EPHA3: variants seen among roughly 807,000 people sequenced by gnomAD.
EPHA3 encodes ephrin type-A receptor 3.
A neutral mutation model predicts 107.1 loss-of-function variants in EPHA3; 42 were observed. The observed-to-expected ratio is 0.39, with a 90% CI of 0.31 to 0.51. EPHA3 has a LOEUF of 0.51. Ranked by LOEUF, EPHA3 falls within the 20% of genes least tolerant of loss-of-function variation. The probability of loss-of-function intolerance (pLI) is 0.78; values close to 1 mark genes in which losing one functional copy is unlikely to be tolerated. For missense variants in EPHA3, 1,183 were observed against 1,211.2 expected, an observed-to-expected ratio of 0.98 and a Z score of 0.35; for synonymous variants, 461 against 424.8, an observed-to-expected ratio of 1.09 and a Z score of -1.05.
At position 89,365,960 on chromosome 3, in the gene EPHA3, T is replaced by C. The variant is rs538047758; in HGVS notation, c.1306+23870T>C. ...TTTAGCAGAAATGCTTCTTGATTTTTGTGTAGAAAAGTGACACAATCAGGC... is the reference window on the plus strand; with the variant it reads ...TTTAGCAGAAATGCTTCTTGATTTTCGTGTAGAAAAGTGACACAATCAGGC... On this transcript the variant is annotated intron_variant, in intron 5 of 16. Transcript: ENST00000336596. Among the ~76,000 whole-genome samples the C allele has an allele frequency of 1.7e-3, 254 of 150,876 alleles. 3 individuals are homozygous for C. Among genetic ancestry groups the C allele is most frequent in the African/African-American group, 5.5e-3 (229 of 41,378 alleles).
chr3:89,286,119 CGT>C (rs373081017), intron 3 of EPHA3, among the ~76,000 whole-genome samples: 9,851 of 136,434 alleles, frequency 0.072, 402 homozygotes, highest in African/African-American at 0.13. Context: ...TCAATTTCTA[CGT>C]GTGTGTGTGT....
intron 3 of EPHA3, among the ~76,000 whole-genome samples, chr3:89,258,246 T>C (rs1263974361): frequency 6.6e-6 from 1 of 152,190 alleles, no homozygotes; most frequent in Non-Finnish European, 1.5e-5. Flanking sequence ...GGGGGAGACA[T>C]GGAGCTATTT....
chr3:89,446,059 TTAAAA>T (rs1242477277), intron 13 of EPHA3, among the ~76,000 whole-genome samples: 1 of 152,204 alleles, frequency 6.6e-6, no homozygotes, highest in Non-Finnish European at 1.5e-5. Flanking sequence ...GTTTTTCTTA[TTAAAA>T]TAAATTACTA....
At chr3:89,184,012 G>GC in intron 2 of EPHA3, among the ~76,000 whole-genome samples, 1 of 151,474 alleles carries the variant, frequency 6.6e-6, no homozygotes, top group South Asian at 2.1e-4. Flanking sequence ...AGTATTTTGT[G>GC]TTTTTTTTAA....
chr3:89,257,015 T>C (rs1195285516), intron 3 of EPHA3, among the ~76,000 whole-genome samples: 1 of 152,254 alleles, frequency 6.6e-6, no homozygotes, highest in African/African-American at 2.4e-5. Flanking sequence ...TAAGTATGTA[T>C]GTACACACAT....
intron 2 of EPHA3, among the ~76,000 whole-genome samples, chr3:89,145,578 C>T (rs1191846023): frequency 1.3e-5 from 2 of 151,744 alleles, no homozygotes; most frequent in South Asian, 2.1e-4. Context: ...AGCTTATATC[C>T]TTCCATTCTT....
chr3:89,475,664 A>G (rs1710491779), intron 16 of EPHA3, among the ~76,000 whole-genome samples: 1 of 152,240 alleles, frequency 6.6e-6, no homozygotes, highest in Non-Finnish European at 1.5e-5. Context: ...AACTAGAAAG[A>G]GAATTAAGTG....
At chr3:89,243,577 C>T (rs1047400364) in intron 3 of EPHA3, among the ~76,000 whole-genome samples, 4 of 152,060 alleles carry the variant, frequency 2.6e-5, no homozygotes, top group Non-Finnish European at 4.4e-5. Context: ...CTGTTCATAT[C>T]GTTTGCCCAC....
At chr3:89,229,556 T>C (rs1321958457) in intron 3 of EPHA3, among the ~76,000 whole-genome samples, 1 of 151,056 alleles carries the variant, frequency 6.6e-6, no homozygotes, top group Non-Finnish European at 1.5e-5. Context: ...TATATTTAAT[T>C]AGGTTTCATG....
At chr3:89,300,623 C>T (rs551518556) in intron 3 of EPHA3, among the ~76,000 whole-genome samples, 1 of 152,070 alleles carries the variant, frequency 6.6e-6, no homozygotes, top group Admixed American at 6.6e-5. Flanking sequence ...TGAAATCTGC[C>T]CAATGTTACT....
intron 10 of EPHA3, among the ~76,000 whole-genome samples, chr3:89,415,315 C>T (rs1347947392): frequency 6.6e-5 from 10 of 150,450 alleles, no homozygotes; most frequent in African/African-American, 2.4e-4. Flanking sequence ...ATACATTTAC[C>T]TACTTCCTAC....
In EPHA3 at chr3:89,481,386, T is replaced by A. The variant is rs1340176221; in HGVS notation, c.*1884T>A. 6.0e-5 allele frequency: 14 copies of A among 232,188 alleles called. No individual in the cohort carries two copies. In the East Asian group the frequency reaches 8.6e-4, roughly 14 times the overall value. 14.4% of individuals were successfully genotyped at this position (232,188 alleles called of 1,614,324 possible). A position where few individuals can be genotyped will look rare whatever the true frequency, so the allele number is the denominator to read the frequency against. On this transcript the variant is annotated 3_prime_UTR_variant, in exon 17 of 17. Coordinates refer to ENST00000336596, the MANE Select transcript of EPHA3 (RefSeq NM_005233.6). ...AATACACTTGTGATTATAAAATTAATCACAAATTTCACTTATACCTGCTAT... is the reference window on the plus strand; with the variant it reads ...AATACACTTGTGATTATAAAATTAAACACAAATTTCACTTATACCTGCTAT...
intron 2 of EPHA3, among the ~76,000 whole-genome samples, chr3:89,181,568 A>G (rs1705443345): frequency 6.6e-6 from 1 of 151,982 alleles, no homozygotes; most frequent in South Asian, 2.1e-4. Context: ...AGAGAGATAT[A>G]CTTAATACTG....
intron 5 of EPHA3, among the ~76,000 whole-genome samples, chr3:89,392,117 C>T (rs551437906): frequency 4.1e-4 from 62 of 152,196 alleles, no homozygotes; most frequent in African/African-American, 1.4e-3. Context: ...TTTCAGTAAT[C>T]TATCAATTAG....
rs760852634 is a variant in EPHA3 at position 89,341,884 on chromosome 3, G to C, written c.1100G>C (p.Gly367Ala). The C allele has an allele frequency of 2.5e-6, 4 of 1,613,746 alleles. No individual in the cohort carries two copies. The South Asian group carries it at 3.3e-5, about 13-fold the overall frequency. ...VTFNIICKKC[G>A]WNIKQCEPCS... ...TTCAACATCATATGTAAAAAATGTG[G>C]GTGGAATATAAAACAGTGTGAGCCA... The change falls in exon 5 of 17, where the codon GGG becomes GCG. Residue 367 changes from glycine to alanine, a missense_variant. Coordinates refer to ENST00000336596, the MANE Select transcript of EPHA3 (RefSeq NM_005233.6).
Position 89,341,000 on chromosome 3 carries a change from G to A in EPHA3, c.899G>A (p.Gly300Asp). 1 of 1,614,144 alleles carries A rather than the reference G, an allele frequency of 6.2e-7. No homozygotes were observed. The highest frequency in any genetic ancestry group is 8.5e-7 in the Non-Finnish European group (1 of 1,180,014). The change falls in exon 4 of 17, where the codon GGT becomes GAT. Residue 300 changes from glycine to aspartate, a missense_variant. By Grantham distance (94) the Gly-to-Asp change is moderately conservative. Transcript: ENST00000336596. ...CCTCACAGTTCTACTCAGGAAGATG[G>A]TTCAATGAACTGCAGGTGTGAGAAT... is the stretch of plus-strand genomic sequence containing the variant. ...CPPHSSTQED[G>D]SMNCRCENNY...
intron 3 of EPHA3, among the ~76,000 whole-genome samples, chr3:89,234,854 C>T (rs1704719319): frequency 8.1e-6 from 1 of 123,774 alleles, no homozygotes; most frequent in Admixed American, 9.3e-5. Flanking sequence ...TCCTTCCTTC[C>T]TCCCTTCTTT....
chr3:89,400,124 T>C, intron 7 of EPHA3: 1 of 905,986 alleles, frequency 1.1e-6, no homozygotes, highest in Non-Finnish European at 1.3e-6. Context: ...GGTAAAATTA[T>C]GTCTATGGCA....
intron 2 of EPHA3, among the ~76,000 whole-genome samples, chr3:89,161,199 A>G (rs543523110): frequency 2.7e-5 from 4 of 149,404 alleles, no homozygotes; most frequent in Non-Finnish European, 4.5e-5. Flanking sequence ...GGACCATGCC[A>G]TATTAGAAAC....
Sources: allele counts gnomAD v4.1 joint callset (sites outside exome capture counted in the v4.1 genomes callset), GRCh38; gene constraint gnomAD v4.1.1; transcripts MANE v1.5; gene names NCBI Gene and HGNC (gene_info 2026-07-23, HGNC 2026-07-21).